Variants in POFUT3 observed in about 807,000 individuals in gnomAD.
POFUT3 encodes protein O-fucosyltransferase 3, also known as GDP-fucose protein O-fucosyltransferase 3.
At chr8:33,311,379 T>A in the POFUT3 span, among the ~76,000 whole-genome samples, 1 of 152,172 alleles carries the variant, frequency 6.6e-6, no homozygotes, top group Non-Finnish European at 1.5e-5. Flanking sequence ...AGATACATGT[T>A]GAATCAATGA....
At chr8:33,463,848 G>A in the POFUT3 span, among the ~76,000 whole-genome samples, 61 of 152,224 alleles carry the variant, frequency 4.0e-4, no homozygotes, top group Middle Eastern at 6.8e-3. Context: ...CACCGTGCAC[G>A]GCCTTACTTT....
At chr8:33,428,317 A>T in the POFUT3 span, among the ~76,000 whole-genome samples, 6 of 152,230 alleles carry the variant, frequency 3.9e-5, no homozygotes, top group African/African-American at 9.6e-5. Context: ...GAGTATTCTA[A>T]TCTTCATTCT....
the POFUT3 span, among the ~76,000 whole-genome samples, chr8:33,445,253 C>T: frequency 6.6e-6 from 1 of 152,080 alleles, no homozygotes; most frequent in Non-Finnish European, 1.5e-5. Flanking sequence ...ATTTTTATGT[C>T]CAACTTTATT....
At chr8:33,333,228 C>A in the POFUT3 span, among the ~76,000 whole-genome samples, 1 of 152,066 alleles carries the variant, frequency 6.6e-6, no homozygotes, top group Middle Eastern at 3.4e-3. Context: ...AAAGGATCAG[C>A]GAGTGCAAAA....
At chr8:33,345,082 C>T in the POFUT3 span, among the ~76,000 whole-genome samples, 2 of 152,316 alleles carry the variant, frequency 1.3e-5, no homozygotes, top group South Asian at 4.1e-4. Context: ...TCTGTTGCTC[C>T]AGTAGATTTC....
chr8:33,332,330 A>C, the POFUT3 span, among the ~76,000 whole-genome samples: 524 of 151,942 alleles, frequency 3.4e-3, 2 homozygotes, highest in African/African-American at 0.011. Flanking sequence ...CTAAAAAAAG[A>C]AAATACAAAA....
the POFUT3 span, chr8:33,453,260 C>T: frequency 3.1e-6 from 5 of 1,614,126 alleles, no homozygotes; most frequent in South Asian, 1.1e-5. Context: ...GAGGTAGGTC[C>T]GGTTGATGGT....
the POFUT3 span, among the ~76,000 whole-genome samples, chr8:33,311,311 T>A: frequency 6.6e-6 from 1 of 152,226 alleles, no homozygotes; most frequent in Non-Finnish European, 1.5e-5. Flanking sequence ...CACAATCTTA[T>A]GTACAAGAAG....
chr8:33,407,596 A>T, the POFUT3 span, among the ~76,000 whole-genome samples: 3 of 152,224 alleles, frequency 2.0e-5, no homozygotes, highest in South Asian at 2.1e-4. Context: ...AAAATTTTTT[A>T]TCTCAGTTGA....
At chr8:33,344,759 A>G in the POFUT3 span, among the ~76,000 whole-genome samples, 2 of 152,204 alleles carry the variant, frequency 1.3e-5, no homozygotes, top group Non-Finnish European at 2.9e-5. Context: ...GTGACTAAAG[A>G]CACATATCAA....
At chr8:33,421,055 T>C in the POFUT3 span, among the ~76,000 whole-genome samples, 1 of 152,004 alleles carries the variant, frequency 6.6e-6, no homozygotes, top group African/African-American at 2.4e-5. Flanking sequence ...AAGAACTTCC[T>C]TTTTGTGAAA....
the POFUT3 span, among the ~76,000 whole-genome samples, chr8:33,390,137 GC>G: frequency 6.6e-6 from 1 of 152,038 alleles, no homozygotes; most frequent in Non-Finnish European, 1.5e-5. Flanking sequence ...TGAAGATTGA[GC>G]CACTGCACTC....
chr8:33,406,483 C>A, the POFUT3 span, among the ~76,000 whole-genome samples: 1 of 152,058 alleles, frequency 6.6e-6, no homozygotes, highest in Non-Finnish European at 1.5e-5. Flanking sequence ...TCCACCCAGG[C>A]TGGAGTGCAG....
At chr8:33,364,765 G>A in the POFUT3 span, among the ~76,000 whole-genome samples, 1 of 152,086 alleles carries the variant, frequency 6.6e-6, no homozygotes. Context: ...AAATAAAAGA[G>A]GACACAAACG....
the POFUT3 span, chr8:33,452,916 A>G: frequency 9.1e-6 from 3 of 328,626 alleles, no homozygotes; most frequent in African/African-American, 4.2e-5. Context: ...AATTTGGGAA[A>G]TTAAACTCAA....
the POFUT3 span, among the ~76,000 whole-genome samples, chr8:33,354,649 A>T: frequency 6.6e-6 from 1 of 152,204 alleles, no homozygotes; most frequent in Non-Finnish European, 1.5e-5. Flanking sequence ...CACACCCAGA[A>T]ATAATATTTT....
the POFUT3 span, chr8:33,377,625 C>T: frequency 1.3e-5 from 2 of 152,208 alleles, no homozygotes; most frequent in Non-Finnish European, 2.9e-5. Context: ...TGAACTCTTT[C>T]CACTCTAACA....
the POFUT3 span, chr8:33,455,852 G>A: frequency 2.2e-6 from 1 of 456,008 alleles, no homozygotes; most frequent in Non-Finnish European, 4.4e-6. Context: ...AACTCCCTGG[G>A]GAGGGCCCGT....
At chr8:33,459,552 G>A in the POFUT3 span, among the ~76,000 whole-genome samples, 9,434 of 151,484 alleles carry the variant, frequency 0.062, 544 homozygotes, top group African/African-American at 0.15. Context: ...TGCGTTGGGA[G>A]GATTTTTTTG....
Sources: allele counts gnomAD v4.1 joint callset (sites outside exome capture counted in the v4.1 genomes callset), GRCh38; gene constraint gnomAD v4.1.1; transcripts MANE v1.5; gene names NCBI Gene and HGNC (gene_info 2026-07-23, HGNC 2026-07-21).